ZNF362: variants seen among roughly 807,000 people sequenced by gnomAD.
ZNF362 encodes the protein rotund homolog.
A neutral mutation model predicts 42.9 loss-of-function variants in ZNF362; 11 were observed. That is an observed-to-expected ratio of 0.26 (90% confidence interval 0.16 to 0.42). The LOEUF (loss-of-function observed/expected upper bound fraction) is 0.42. Ranked by LOEUF, ZNF362 falls within the 20% of genes least tolerant of loss-of-function variation. The probability of loss-of-function intolerance (pLI) is 1.00; values close to 1 mark genes in which losing one functional copy is unlikely to be tolerated. For synonymous variants in ZNF362, 255 were observed against 257.3 expected, an observed-to-expected ratio of 0.99 and a Z score of 0.09; for missense variants, 362 against 576.2, an observed-to-expected ratio of 0.63 and a Z score of 3.81.
At chr1:33,190,092 C>T in the ZNF362 span, among the ~76,000 whole-genome samples, 1 of 152,118 alleles carries the variant, frequency 6.6e-6, no homozygotes, top group Non-Finnish European at 1.5e-5. Context: ...TACTGTGGTA[C>T]TGGGTCTGAG....
At chr1:33,249,138 G>A in the ZNF362 span, among the ~76,000 whole-genome samples, 1 of 152,258 alleles carries the variant, frequency 6.6e-6, no homozygotes, top group Non-Finnish European at 1.5e-5. Flanking sequence ...ATGGTAGAAG[G>A]TCACCCTCAG....
chr1:33,267,483 A>G (rs1226305024), intron 1 of ZNF362, among the ~76,000 whole-genome samples: 2 of 152,150 alleles, frequency 1.3e-5, no homozygotes, highest in Non-Finnish European at 2.9e-5. Flanking sequence ...CTATTGTTGT[A>G]TCACAAGTAT....
At chr1:33,263,700 C>G (rs149823281) in intron 1 of ZNF362, among the ~76,000 whole-genome samples, 5 of 152,260 alleles carry the variant, frequency 3.3e-5, no homozygotes, top group Middle Eastern at 6.8e-3. Flanking sequence ...TGTGAGCCAC[C>G]GTGCCCAGCC....
At position 33,280,262 on chromosome 1, in the gene ZNF362, T is replaced by A; in HGVS notation, c.488T>A (p.Leu163His). 1 of 1,612,668 alleles carries A rather than the reference T, an allele frequency of 6.2e-7. No individual in the cohort carries two copies. ...QSRLIASSPT[L>H]ISGITSPPLL... ...CGCCTCATCGCCTCGTCCCCCACCC[T>A]CATCTCAGGGATCACCAGCCCCCCT... The change falls in exon 5 of 9, where the codon CTC becomes CAC. Residue 163 changes from leucine to histidine, a missense_variant. Physicochemically the swap from Leu to His is moderately conservative, Grantham distance 99. Transcript: ENST00000539719. This position sits in a 1 kb window ranked among gnomAD's most constrained non-coding sequence, Gnocchi z 5.6.
the ZNF362 span, among the ~76,000 whole-genome samples, chr1:33,168,720 A>G: frequency 6.6e-6 from 1 of 152,210 alleles, no homozygotes; most frequent in East Asian, 1.9e-4. Context: ...TTTGCCTAAG[A>G]GAGTAGAAAG....
At chr1:33,136,113 C>CCCTCCCTT in the ZNF362 span, among the ~76,000 whole-genome samples, 2 of 103,512 alleles carry the variant, frequency 1.9e-5, no homozygotes, top group South Asian at 4.0e-4. Flanking sequence ...CAGGGGCCAG[C>CCCTCCCTT]CCTTCCTTCC....
chr1:33,136,343 CTTCTTTCTCTCTCTCTCTGTCT>C, the ZNF362 span, among the ~76,000 whole-genome samples: 1 of 126,380 alleles, frequency 7.9e-6, no homozygotes, highest in Non-Finnish European at 1.7e-5. Context: ...TCCTTCCTTC[CTTCTTTCTCTCTCTCTCTGTCT>C]TTCTTTCTTT....
At chr1:33,250,476 TA>T in the ZNF362 span, among the ~76,000 whole-genome samples, 1 of 152,182 alleles carries the variant, frequency 6.6e-6, no homozygotes. Flanking sequence ...CTCAGCAAAC[TA>T]ATGCAGGAAC....
At chr1:33,284,522 A>G (rs1254376359) in intron 6 of ZNF362, among the ~76,000 whole-genome samples, 2 of 152,212 alleles carry the variant, frequency 1.3e-5, no homozygotes, top group Non-Finnish European at 2.9e-5. Flanking sequence ...GATAAGGCCA[A>G]TTACATTTGT....
At chr1:33,254,793 G>T (rs1009360608), upstream of ZNF362, among the ~76,000 whole-genome samples, 5 of 152,262 alleles carry the variant, frequency 3.3e-5, no homozygotes, top group African/African-American at 1.2e-4. Context: ...AAAGAGTAGG[G>T]AGTGATGCTC....
At chr1:33,140,095 G>T in the ZNF362 span, among the ~76,000 whole-genome samples, 1 of 152,114 alleles carries the variant, frequency 6.6e-6, no homozygotes, top group African/African-American at 2.4e-5. The surrounding 1 kb of genome is among the most constrained non-coding windows in gnomAD (Gnocchi z 4.0). Flanking sequence ...GGCAGAGGGG[G>T]GTCCCTAAGA....
the ZNF362 span, among the ~76,000 whole-genome samples, chr1:33,139,520 G>A: frequency 6.6e-6 from 1 of 152,174 alleles, no homozygotes; most frequent in South Asian, 2.1e-4. Context: ...GGGACATGAA[G>A]GATGAGTAAG....
the ZNF362 span, among the ~76,000 whole-genome samples, chr1:33,136,661 C>T: frequency 7.2e-5 from 11 of 151,768 alleles, no homozygotes; most frequent in Non-Finnish European, 1.2e-4. Context: ...TGAGCCACTG[C>T]GCCTGGCCCC....
chr1:33,172,131 T>TG, the ZNF362 span, among the ~76,000 whole-genome samples: 1 of 152,232 alleles, frequency 6.6e-6, no homozygotes, highest in African/African-American at 2.4e-5. Context: ...AGGCTTGCTC[T>TG]GGGAATGAAA....
intron 1 of ZNF362, among the ~76,000 whole-genome samples, chr1:33,265,367 C>T (rs914455780): frequency 6.6e-6 from 1 of 151,918 alleles, no homozygotes; most frequent in East Asian, 2.0e-4. Flanking sequence ...GCTCCCAGCT[C>T]CCACTGACCT....
the ZNF362 span, among the ~76,000 whole-genome samples, chr1:33,213,133 T>C: frequency 2.0e-5 from 3 of 152,216 alleles, no homozygotes; most frequent in African/African-American, 7.2e-5. Context: ...ACTATTCATA[T>C]AAATTTTTAG....
chr1:33,166,110 T>C, the ZNF362 span: 1 of 152,374 alleles, frequency 6.6e-6, no homozygotes, highest in Non-Finnish European at 1.5e-5. Context: ...GGATCTAGGT[T>C]GCCTGCTCCT....
chr1:33,133,495 A>G, the ZNF362 span, among the ~76,000 whole-genome samples: 4 of 151,996 alleles, frequency 2.6e-5, no homozygotes, highest in Non-Finnish European at 5.9e-5. Flanking sequence ...GGGGCAGGTG[A>G]CCTGGGACCA....
At chr1:33,233,222 T>G in the ZNF362 span, among the ~76,000 whole-genome samples, 1 of 152,216 alleles carries the variant, frequency 6.6e-6, no homozygotes, top group South Asian at 2.1e-4. Context: ...TTCCCCTGAT[T>G]GCTCCTTCTG....
Sources: allele counts gnomAD v4.1 joint callset (sites outside exome capture counted in the v4.1 genomes callset), GRCh38; gene constraint gnomAD v4.1.1; non-coding constraint Gnocchi (gnomAD v3.1); transcripts MANE v1.5; gene names NCBI Gene and HGNC (gene_info 2026-07-23, HGNC 2026-07-21).